EPB41L1: variants seen among roughly 807,000 people sequenced by gnomAD.
The protein encoded by EPB41L1 is band 4.1-like protein 1.
In EPB41L1, 29 loss-of-function variants were observed where a neutral mutation model predicts 97.8. That is an observed-to-expected ratio of 0.30 (90% confidence interval 0.22 to 0.40). The LOEUF (loss-of-function observed/expected upper bound fraction) is 0.40, where lower values mean the gene tolerates loss of function less well. EPB41L1 is among the 10% of genes least tolerant of loss of function. EPB41L1 has a pLI of 1.00. For missense variants in EPB41L1, 812 were observed against 1,162.3 expected (o/e 0.70, Z 4.38); for synonymous variants, 383 against 459.2 (o/e 0.83, Z 2.12).
intron 1 of EPB41L1, among the ~76,000 whole-genome samples, chr20:36,106,721 G>C (rs2058202161): frequency 6.6e-6 from 1 of 152,246 alleles, no homozygotes; most frequent in African/African-American, 2.4e-5. Flanking sequence ...GAGGTCATCA[G>C]CCCAGGCCCT....
chr20:36,153,087 C>G (rs1374793686), upstream of EPB41L1: 2 of 456,676 alleles, frequency 4.4e-6, no homozygotes, highest in Admixed American at 4.7e-5. Flanking sequence ...CTAAAGACAC[C>G]TGATGAAGGA....
At position 36,215,491 on chromosome 20, in the gene EPB41L1, T is replaced by C. The variant is rs73103405; in HGVS notation, c.2268+1051T>C. Among the ~76,000 whole-genome samples, 706 of 152,324 alleles carry C rather than the reference T, an allele frequency of 4.6e-3. 2 individuals are homozygous for C. The highest frequency in any genetic ancestry group is 0.014 in the Middle Eastern group (4 of 294). ...TCCTGACATACACATAGGAAGGTAA[T>C]TCCATCAATCTAGACTAGCCAGCAG... On this transcript the variant is annotated intron_variant, in intron 17 of 21. Transcript: ENST00000338074.
chr20:36,125,691 G>A (rs1412251625), intron 2 of EPB41L1, among the ~76,000 whole-genome samples: 5 of 152,314 alleles, frequency 3.3e-5, no homozygotes, highest in African/African-American at 4.8e-5. Context: ...CCTGCAGCCC[G>A]TGTATATTGA....
intron 13 of EPB41L1, among the ~76,000 whole-genome samples, chr20:36,197,074 T>A (rs1189302934): frequency 2.0e-5 from 3 of 152,106 alleles, no homozygotes; most frequent in African/African-American, 7.3e-5. Flanking sequence ...AGTTTCTCTA[T>A]CTGGCTGTAT....
intron 8 of EPB41L1, 138 bp downstream of exon 8, chr20:36,187,901 C>T (rs2061752693): frequency 1.2e-5 from 9 of 758,966 alleles, no homozygotes; most frequent in Admixed American, 2.1e-5. Context: ...TCTCATTTCT[C>T]GAAGTTCCAT....
chr20:36,189,790 T>G (rs2061865718), intron 9 of EPB41L1, among the ~76,000 whole-genome samples: 1 of 152,362 alleles, frequency 6.6e-6, no homozygotes, highest in East Asian at 1.9e-4. Flanking sequence ...ATCTTCTGCC[T>G]TGGTCTCCAT....
At chr20:36,130,286 G>A (rs2059148538) in intron 2 of EPB41L1, among the ~76,000 whole-genome samples, 1 of 149,924 alleles carries the variant, frequency 6.7e-6, no homozygotes, top group African/African-American at 2.5e-5. Context: ...TAATAACATA[G>A]TACCAAGATT....
chr20:36,178,087 G>C, intron 4 of EPB41L1, 31 bp downstream of exon 4: 1 of 1,536,766 alleles, frequency 6.5e-7, no homozygotes, highest in Non-Finnish European at 9.0e-7. Flanking sequence ...GGTGGGACCT[G>C]CTCTTCCGTT....
At chr20:36,143,154 T>C (rs1221106572) in intron 2 of EPB41L1, among the ~76,000 whole-genome samples, 1 of 150,672 alleles carries the variant, frequency 6.6e-6, no homozygotes, top group Non-Finnish European at 1.5e-5. Flanking sequence ...TGTGTGTGTG[T>C]GTGTGTGTGT....
Position 36,175,580 on chromosome 20 carries a change from T to A in EPB41L1, c.207T>A (p.Ser69Arg). Residue 69 changes from serine (S) to arginine (R), a missense_variant, in exon 3 of 22, where the codon AGT (serine) becomes AGA (arginine). Transcript: ENST00000338074. The part of the protein sequence containing the change: ...QSLDMEEKDY[S>R]EADGLSERTT... ...TAGACATGGAGGAGAAGGACTACAG[T>A]GAGGCCGATGGCCTTTCGGAGAGGA... 1 of 1,614,194 alleles carries A rather than the reference T, an allele frequency of 6.2e-7. No homozygotes were observed. Among genetic ancestry groups the A allele is most frequent in the Non-Finnish European group, 8.5e-7 (1 of 1,180,038 alleles).
chr20:36,219,983 C>T (rs1424840452), intron 19 of EPB41L1, 139 bp downstream of exon 19: 14 of 824,284 alleles, frequency 1.7e-5, no homozygotes, highest in Admixed American at 6.0e-5. Context: ...GAATACTGTG[C>T]GCTTTGTCCT....
intron 1 of EPB41L1, 128 bp downstream of exon 1, chr20:36,155,024 C>T: frequency 1.1e-6 from 1 of 878,852 alleles, no homozygotes; most frequent in African/African-American, 1.8e-5. Flanking sequence ...GGTCCCCTGG[C>T]CAGTGTGGGG....
intron 5 of EPB41L1, among the ~76,000 whole-genome samples, chr20:36,179,708 C>T (rs949063845): frequency 9.2e-5 from 14 of 152,228 alleles, no homozygotes; most frequent in African/African-American, 3.4e-4. Context: ...CTCCCTGGTC[C>T]CCTGGCTGGA....
Position 36,100,264 on chromosome 20 carries a change from C to G in EPB41L1, c.-65+8652C>G, listed in dbSNP as rs934334845. Among the ~76,000 whole-genome samples the G allele has an allele frequency of 2.0e-5, 3 of 152,192 alleles. No individual in the cohort carries two copies. The East Asian group carries it at 5.8e-4, about 29-fold the overall frequency. ...CAGGCCCCTCCTTGGCCCCTTGATT[C>G]TTCTTTCCTTTCCTCCCTCCTCTTC... On this transcript the variant is annotated intron_variant, in intron 1 of 19. Coordinates refer to the EPB41L1 transcript ENST00000202028.
At chr20:36,150,991 C>T (rs1328021928), upstream of EPB41L1, 1 of 152,242 alleles carries the variant, frequency 6.6e-6, no homozygotes, top group African/African-American at 2.4e-5. Context: ...CAGGAGACCA[C>T]TGACTACTTG....
chr20:36,162,969 A>G (rs1163065292), intron 1 of EPB41L1, among the ~76,000 whole-genome samples: 1 of 152,202 alleles, frequency 6.6e-6, no homozygotes, highest in Non-Finnish European at 1.5e-5. Context: ...TCTCAGAGGC[A>G]GCTCTCTCAG....
At chr20:36,134,672 G>T (rs2059347427) in intron 2 of EPB41L1, among the ~76,000 whole-genome samples, 1 of 152,046 alleles carries the variant, frequency 6.6e-6, no homozygotes, top group African/African-American at 2.4e-5. Flanking sequence ...GGCTGTTCCT[G>T]CAAGGTTACT....
chr20:36,103,781 C>G (rs1310104567), intron 1 of EPB41L1, among the ~76,000 whole-genome samples: 1 of 149,408 alleles, frequency 6.7e-6, no homozygotes, highest in Non-Finnish European at 1.5e-5. Flanking sequence ...CAGCTCACTA[C>G]AAGCTCCACC....
intron 1 of EPB41L1, among the ~76,000 whole-genome samples, chr20:36,094,534 C>T (rs2057768111): frequency 6.6e-6 from 1 of 152,138 alleles, no homozygotes; most frequent in South Asian, 2.1e-4. Flanking sequence ...TCCAGTTCTT[C>T]CCCGTAACGT....
Sources: allele counts gnomAD v4.1 joint callset (sites outside exome capture counted in the v4.1 genomes callset), GRCh38; gene constraint gnomAD v4.1.1; transcripts MANE v1.5; gene names NCBI Gene and HGNC (gene_info 2026-07-23, HGNC 2026-07-21).